The following IQSEC1 variants were observed in gnomAD, a reference collection of about 807,000 sequenced individuals.
IQSEC1 encodes the protein IQ motif and Sec7 domain ArfGEF 1.
IQSEC1 carries 31 observed loss-of-function variants against 91.0 expected under a neutral mutation model. The observed-to-expected ratio is 0.34, with a 90% CI of 0.26 to 0.46. IQSEC1 has a LOEUF of 0.46. Among genes scored for constraint, IQSEC1 ranks in the 20% least tolerant of loss-of-function variants. The pLI, the probability that IQSEC1 is intolerant of heterozygous loss-of-function variation, is 1.00. For missense variants in IQSEC1, 1,388 were observed against 1,575.6 expected, an observed-to-expected ratio of 0.88 and a Z score of 2.02; for synonymous variants, 699 against 662.6, an observed-to-expected ratio of 1.05 and a Z score of -0.84.
At chr3:12,926,204 GGAGGC>G (rs1334708329) in intron 3 of IQSEC1, among the ~76,000 whole-genome samples, 1 of 152,126 alleles carries the variant, frequency 6.6e-6, no homozygotes, top group African/African-American at 2.4e-5. Context: ...CAGCTACTCA[GGAGGC>G]TGAGGCAGGA....
At chr3:13,234,468 C>T (rs1031224456) in intron 1 of IQSEC1, among the ~76,000 whole-genome samples, 3 of 152,202 alleles carry the variant, frequency 2.0e-5, no homozygotes, top group Admixed American at 6.5e-5. Flanking sequence ...AGCCTGGGGT[C>T]GAACCTGCCC....
At position 12,899,406 on chromosome 3, in the gene IQSEC1, G is replaced by A. The variant is rs1275382109; in HGVS notation, c.*1577C>T. The A allele has an allele frequency of 6.2e-7, 1 of 1,613,064 alleles. No individual in the cohort carries two copies. The highest frequency in any genetic ancestry group is 8.5e-7 in the Non-Finnish European group (1 of 1,179,824). On this transcript the variant is annotated 3_prime_UTR_variant, in exon 14 of 14. Coordinates refer to ENST00000613206, the MANE Select transcript of IQSEC1 (RefSeq NM_001134382.3). The stretch of plus-strand genomic sequence containing the variant: ...TCCCATGGCTTAGGAGCACAGCACT[G>A]ACGGCTGCAGTGGCTCGAAAGGCTG...
chr3:12,902,831 A>G lies in IQSEC1; in HGVS notation c.2756-9T>C. ...GCGACGCCCTCGCTTCCCTGCCCAG[A>G]ACATGCAATACCAGAAGTTAGACGC... is the stretch of plus-strand genomic sequence containing the variant. On this transcript the variant is annotated splice_polypyrimidine_tract_variant and intron_variant, in intron 12 of 13. Coordinates refer to ENST00000613206, the MANE Select transcript of IQSEC1 (RefSeq NM_001134382.3). 6.2e-7 allele frequency: 1 copy of G among 1,610,140 alleles called. No individual in the cohort carries two copies. The highest frequency in any genetic ancestry group is 8.5e-7 in the Non-Finnish European group (1 of 1,176,460).
At chr3:13,071,166 TG>T (rs67621733) in intron 1 of IQSEC1, among the ~76,000 whole-genome samples, 1,717 of 78,568 alleles carry the variant, frequency 0.022, 72 homozygotes, top group African/African-American at 0.061. Flanking sequence ...TTTTTTTTTT[TG>T]TTTGTTTCTT....
intron 1 of IQSEC1, among the ~76,000 whole-genome samples, chr3:13,060,707 T>C (rs1046051540): frequency 6.6e-6 from 1 of 152,146 alleles, no homozygotes; most frequent in Non-Finnish European, 1.5e-5. Context: ...GCCAGCAGCA[T>C]CAGCCCTGCC....
At chr3:13,101,976 C>A (rs997273833) in intron 2 of IQSEC1, among the ~76,000 whole-genome samples, 3 of 152,010 alleles carry the variant, frequency 2.0e-5, no homozygotes. Context: ...AGCCAGGGGC[C>A]CACTCATGAG....
intron 1 of IQSEC1, among the ~76,000 whole-genome samples, chr3:13,034,800 A>C (rs1359797488): frequency 1.3e-5 from 2 of 152,236 alleles, no homozygotes; most frequent in Admixed American, 1.3e-4. Flanking sequence ...CCGGCTCCTG[A>C]ATCTCACCAG....
At chr3:13,135,284 G>T (rs554802693) in intron 2 of IQSEC1, among the ~76,000 whole-genome samples, 2 of 152,364 alleles carry the variant, frequency 1.3e-5, no homozygotes, top group Admixed American at 6.5e-5. Flanking sequence ...CACAGTCATG[G>T]TCTAAAGGGA....
At chr3:13,156,434 A>C (rs1205297407) in intron 2 of IQSEC1, among the ~76,000 whole-genome samples, 3 of 152,204 alleles carry the variant, frequency 2.0e-5, no homozygotes, top group Non-Finnish European at 4.4e-5. Flanking sequence ...GGCTCAACAT[A>C]GTATTGGAAG....
chr3:13,080,410 T>G (rs910163324), intron 2 of IQSEC1, among the ~76,000 whole-genome samples: 3 of 152,114 alleles, frequency 2.0e-5, no homozygotes, highest in Non-Finnish European at 4.4e-5. Context: ...TGGCACCCTT[T>G]GTCTATACAG....
chr3:12,958,061 G>A (rs1456068528), intron 1 of IQSEC1, among the ~76,000 whole-genome samples: 1 of 152,232 alleles, frequency 6.6e-6, no homozygotes, highest in East Asian at 1.9e-4. Flanking sequence ...GGCTGGCTGA[G>A]GCCCCGGGAC....
At chr3:13,117,478 G>A (rs1706354585) in intron 2 of IQSEC1, among the ~76,000 whole-genome samples, 1 of 148,980 alleles carries the variant, frequency 6.7e-6, no homozygotes, top group Non-Finnish European at 1.5e-5. Context: ...GCCTGAGGCA[G>A]GGGAATCGCA....
intron 1 of IQSEC1, among the ~76,000 whole-genome samples, chr3:12,958,902 C>T (rs1006099951): frequency 3.3e-5 from 5 of 152,134 alleles, no homozygotes; most frequent in Non-Finnish European, 7.4e-5. Flanking sequence ...GGCACAGCAC[C>T]GGGTGATGAT....
intron 2 of IQSEC1, among the ~76,000 whole-genome samples, chr3:13,097,213 G>T (rs1318108172): frequency 6.6e-6 from 1 of 152,202 alleles, no homozygotes; most frequent in African/African-American, 2.4e-5. Context: ...CCAGAGGGAA[G>T]CGATCGCCCC....
In IQSEC1 at chr3:12,979,370, G is replaced by A. The variant is rs541213809; in HGVS notation, c.24-37505C>T. 1.3e-5 allele frequency among the ~76,000 whole-genome samples: 2 copies of A among 152,152 alleles called. No homozygotes were observed. Among genetic ancestry groups the A allele is most frequent in the African/African-American group, 4.8e-5 (2 of 41,418 alleles). ...CAGAGAATCCACATGACAGGACGCCGCCAATAAAACAGAAGCATGCTTTTT... is the reference window on the plus strand; with the variant it reads ...CAGAGAATCCACATGACAGGACGCCACCAATAAAACAGAAGCATGCTTTTT... On this transcript the variant is annotated intron_variant, in intron 1 of 13. Coordinates refer to ENST00000613206, the MANE Select transcript of IQSEC1 (RefSeq NM_001134382.3). This position sits in a 1 kb window ranked among gnomAD's most constrained non-coding sequence, Gnocchi z 4.3.
In IQSEC1 at chr3:13,211,299, C is replaced by T. The variant is rs1201371752; in HGVS notation, c.273-47166G>A. ...TGAACATGAAAGGCCTTCTTGGCAG[C>T]GAGCTCTTCATCCTGTTGCTCCTGA... is the stretch of plus-strand genomic sequence containing the variant. On this transcript the variant is annotated intron_variant, in intron 1 of 15. Transcript: ENST00000648114. This position sits in a 1 kb window ranked among gnomAD's most constrained non-coding sequence, Gnocchi z 5.3. Among the ~76,000 whole-genome samples, 4 of 152,212 alleles carry T rather than the reference C, an allele frequency of 2.6e-5. No individual in the cohort carries two copies. The highest frequency in any genetic ancestry group is 5.9e-5 in the Non-Finnish European group (4 of 68,032).
intron 6 of IQSEC1, among the ~76,000 whole-genome samples, chr3:12,916,527 A>C (rs1696108746): frequency 1.3e-5 from 2 of 152,354 alleles, no homozygotes; most frequent in Admixed American, 1.3e-4. Flanking sequence ...ACTGCAGTCC[A>C]AAAGGCTGCA....
At chr3:13,135,430 G>A (rs924501597) in intron 2 of IQSEC1, among the ~76,000 whole-genome samples, 17 of 152,228 alleles carry the variant, frequency 1.1e-4, no homozygotes, top group Non-Finnish European at 2.9e-5. Flanking sequence ...GGGCCAGGGA[G>A]GGGCGGCCAC....
chr3:13,252,175 G>A (rs1212468906), intron 1 of IQSEC1, among the ~76,000 whole-genome samples: 1 of 151,950 alleles, frequency 6.6e-6, no homozygotes, highest in African/African-American at 2.4e-5. Flanking sequence ...TTGAAACTCT[G>A]CCCCCATTAA....
Sources: allele counts gnomAD v4.1 joint callset (sites outside exome capture counted in the v4.1 genomes callset), GRCh38; gene constraint gnomAD v4.1.1; non-coding constraint Gnocchi (gnomAD v3.1); transcripts MANE v1.5; gene names NCBI Gene and HGNC (gene_info 2026-07-23, HGNC 2026-07-21).